SGO2: variants seen among roughly 807,000 people sequenced by gnomAD.
SGO2 encodes shugoshin 2.
A neutral mutation model predicts 99.5 loss-of-function variants in SGO2; 68 were observed. That is an observed-to-expected ratio of 0.68 (90% CI 0.56 to 0.84). The LOEUF (loss-of-function observed/expected upper bound fraction) is 0.84. SGO2 is among the 40% of genes least tolerant of loss of function. The pLI, the probability that SGO2 is intolerant of heterozygous loss-of-function variation, is 0.00. For missense variants in SGO2, 1,350 were observed against 1,436.7 expected (o/e 0.94, Z 0.97); for synonymous variants, 457 against 487.1 (o/e 0.94, Z 0.81).
chr2:200,562,849 G>C (rs1432045434), intron 5 of SGO2, among the ~76,000 whole-genome samples: 5 of 152,028 alleles, frequency 3.3e-5, no homozygotes, highest in African/African-American at 1.2e-4. Flanking sequence ...TCATGATTTG[G>C]CTCTCTGTTT....
At position 200,542,538 on chromosome 2, in the gene SGO2, A is replaced by T. The variant is rs368545493; in HGVS notation, c.388-41A>T. ...ACTGTGATAACTAACATGATTTAAT[A>T]AGGTTAGAAACTTTGTTTTCTTTAT... is the stretch of plus-strand genomic sequence containing the variant. On this transcript the variant is annotated intron_variant, in intron 4 of 8. Coordinates refer to ENST00000357799, the MANE Select transcript of SGO2 (RefSeq NM_152524.6). The T allele has an allele frequency of 3.1e-4, 455 of 1,475,466 alleles. 2 individuals are homozygous for T. The African/African-American group carries it at 5.6e-3, about 18-fold the overall frequency. 91.4% of individuals were successfully genotyped at this position (1,475,466 alleles called of 1,614,324 possible).
At chr2:200,543,899 T>C (rs919154398) in intron 5 of SGO2, among the ~76,000 whole-genome samples, 1 of 152,228 alleles carries the variant, frequency 6.6e-6, no homozygotes, top group East Asian at 1.9e-4. Flanking sequence ...TATTCAAACA[T>C]GGTGGATTTT....
rs566476933 is a variant in SGO2, at chr2:200,573,894, C to A, written c.3548C>A (p.Ala1183Asp). Reference protein sequence around the residue: ...KENFALECSPAFQVSDDEHEK... With the variant: ...KENFALECSPDFQVSDDEHEK... ...AATTTTGCCTTGGAGTGCTCCCCAG[C>A]CTTTCAAGTAAGTGATGATGAGCAT... Residue 1183 changes from alanine to aspartate, a missense_variant, in exon 7 of 9, where the codon GCC (alanine) becomes GAC (aspartate). Transcript: ENST00000357799. The A allele has an allele frequency of 2.5e-6, 4 of 1,612,198 alleles. No homozygotes were observed. The highest frequency in any genetic ancestry group is 2.2e-5 in the East Asian group (1 of 44,832).
At chr2:200,542,545 G>T (rs1276406081) in intron 4 of SGO2, 34 bp from the exon 5 acceptor site, 8 of 1,538,502 alleles carry the variant, frequency 5.2e-6, no homozygotes, top group Non-Finnish European at 7.1e-6. Context: ...AATAAGGTTA[G>T]AAACTTTGTT....
At chr2:200,553,402 C>T (rs1189624302) in intron 5 of SGO2, among the ~76,000 whole-genome samples, 2 of 152,182 alleles carry the variant, frequency 1.3e-5, no homozygotes, top group Non-Finnish European at 2.9e-5. Flanking sequence ...GAGATTTCTA[C>T]ATTACCTATC....
chr2:200,533,539 GTGTGTGTGTATACA>G (rs908025723), intron 2 of SGO2, among the ~76,000 whole-genome samples: 1 of 148,430 alleles, frequency 6.7e-6, no homozygotes, highest in Admixed American at 6.7e-5. Context: ...GTGTGTGTGT[GTGTGTGTGTATACA>G]TGTGACTTTA....
intron 4 of SGO2, among the ~76,000 whole-genome samples, chr2:200,537,029 T>C (rs999937461): frequency 1.3e-5 from 2 of 152,132 alleles, no homozygotes; most frequent in Non-Finnish European, 2.9e-5. Context: ...CTATACCAGA[T>C]GTTCTATACC....
At chr2:200,549,562 A>G (rs1405248014) in intron 5 of SGO2, among the ~76,000 whole-genome samples, 1 of 152,236 alleles carries the variant, frequency 6.6e-6, no homozygotes, top group Non-Finnish European at 1.5e-5. Context: ...ACCATGATCA[A>G]GTGGGATTCA....
chr2:200,548,746 CAA>C (rs879823388), intron 5 of SGO2, among the ~76,000 whole-genome samples: 6 of 152,076 alleles, frequency 3.9e-5, no homozygotes, highest in African/African-American at 7.2e-5. Flanking sequence ...TAAAATCAAA[CAA>C]GAGATGAGAC....
At position 200,553,166 on chromosome 2, in the gene SGO2, A is replaced by G. The variant is rs1362320145; in HGVS notation, c.473+10502A>G. 5.3e-5 allele frequency among the ~76,000 whole-genome samples: 8 copies of G among 152,218 alleles called. No individual in the cohort carries two copies. In the East Asian group the frequency reaches 1.3e-3, roughly 26 times the overall value. ...AGTTCTGACAAAAGGTGATACCTGG[A>G]AGATTAATAAGTGCACCATTTCGGA... On this transcript the variant is annotated intron_variant, in intron 5 of 8. Coordinates refer to ENST00000357799, the MANE Select transcript of SGO2 (RefSeq NM_152524.6).
At chr2:200,559,500 T>TG (rs1227099368) in intron 5 of SGO2, among the ~76,000 whole-genome samples, 6 of 152,162 alleles carry the variant, frequency 3.9e-5, no homozygotes, top group Non-Finnish European at 8.8e-5. Flanking sequence ...AGTTGCTTCT[T>TG]GGGGTAGTTT....
At chr2:200,542,556 T>G in intron 4 of SGO2, 23 bp from the exon 5 acceptor site, 1 of 1,579,088 alleles carries the variant, frequency 6.3e-7, no homozygotes, top group East Asian at 2.2e-5. Context: ...AAACTTTGTT[T>G]TCTTTATTTT....
chr2:200,537,339 G>C (rs925438616), intron 4 of SGO2, among the ~76,000 whole-genome samples: 1 of 151,906 alleles, frequency 6.6e-6, no homozygotes, highest in African/African-American at 2.4e-5. Context: ...CTACTTCCCC[G>C]CTACTATCTC....
At chr2:200,552,487 G>C (rs1459976735) in intron 5 of SGO2, among the ~76,000 whole-genome samples, 1 of 152,136 alleles carries the variant, frequency 6.6e-6, no homozygotes, top group Non-Finnish European at 1.5e-5. Context: ...AAGCTTACTT[G>C]TAGTTATTCC....
chr2:200,532,284 GTTT>G (rs1380508038), intron 1 of SGO2: 6 of 154,804 alleles, frequency 3.9e-5, no homozygotes, highest in Non-Finnish European at 4.9e-5. Context: ...TTTTTTTTTT[GTTT>G]TTTTTTTTTT....
At chr2:200,581,916 G>C (rs2033852882) in intron 8 of SGO2, among the ~76,000 whole-genome samples, 1 of 152,112 alleles carries the variant, frequency 6.6e-6, no homozygotes, top group Non-Finnish European at 1.5e-5. Flanking sequence ...AATTACCCAA[G>C]GCAGTGGTAT....
intron 1 of SGO2, among the ~76,000 whole-genome samples, chr2:200,529,679 A>G (rs1362558664): frequency 6.6e-6 from 1 of 152,152 alleles, no homozygotes; most frequent in Non-Finnish European, 1.5e-5. Context: ...GGCACCTGCC[A>G]CCACACCTAA....
chr2:200,559,921 T>C (rs754804343), intron 5 of SGO2, among the ~76,000 whole-genome samples: 2 of 152,222 alleles, frequency 1.3e-5, no homozygotes, highest in African/African-American at 4.8e-5. Context: ...TGAATTTCGA[T>C]TTTTGAAGTA....
intron 5 of SGO2, among the ~76,000 whole-genome samples, chr2:200,545,238 C>T (rs1485117363): frequency 1.3e-5 from 2 of 152,146 alleles, no homozygotes; most frequent in Non-Finnish European, 2.9e-5. Flanking sequence ...AACTCCTGAG[C>T]TCAAGTGATC....
Sources: gnomAD v4.1 joint callset for allele counts (sites outside exome capture counted in the v4.1 genomes callset) on GRCh38, gnomAD v4.1.1 for gene constraint, MANE v1.5 for transcripts, NCBI Gene and HGNC (gene_info 2026-07-23, HGNC 2026-07-21) for gene names.